AMD1: variants seen among roughly 807,000 people sequenced by gnomAD.
AMD1 encodes S-adenosylmethionine decarboxylase proenzyme.
A neutral mutation model predicts 40.2 loss-of-function variants in AMD1; 11 were observed. The ratio of observed to expected loss-of-function variants is 0.27; its 90% CI spans 0.17 to 0.45. The LOEUF (loss-of-function observed/expected upper bound fraction) is 0.45. AMD1 is among the 20% of genes least tolerant of loss of function. AMD1 has a pLI of 1.00. For synonymous variants in AMD1, 121 were observed against 130.8 expected (o/e 0.93, Z 0.51); for missense variants, 257 against 410.2 (o/e 0.63, Z 3.23).
chr6:110,814,618 T>A, the AMD1 span: 5 of 469,496 alleles, frequency 1.1e-5, no homozygotes, highest in Non-Finnish European at 2.1e-5. Context: ...ACAACGACCG[T>A]CACTACCCAG....
intron 1 of AMD1, among the ~76,000 whole-genome samples, chr6:110,884,081 C>T (rs1040227478): frequency 2.6e-5 from 4 of 152,240 alleles, no homozygotes; most frequent in Non-Finnish European, 4.4e-5. Flanking sequence ...AACTAGAATA[C>T]ACAATAGACT....
chr6:110,882,563 T>C (rs775281251), intron 1 of AMD1, among the ~76,000 whole-genome samples: 5 of 152,260 alleles, frequency 3.3e-5, no homozygotes, highest in Non-Finnish European at 7.3e-5. Flanking sequence ...TCACCTCTTT[T>C]ATGTACATGT....
At chr6:110,824,447 A>AT in the AMD1 span, among the ~76,000 whole-genome samples, 2 of 152,202 alleles carry the variant, frequency 1.3e-5, no homozygotes, top group Non-Finnish European at 2.9e-5. Flanking sequence ...GGATTAAGAG[A>AT]TAAAAAATGA....
At chr6:110,878,845 A>G (rs971293135) in intron 1 of AMD1, among the ~76,000 whole-genome samples, 1 of 152,184 alleles carries the variant, frequency 6.6e-6, no homozygotes, top group Non-Finnish European at 1.5e-5. Context: ...AATTTTTAGT[A>G]AAGGATTGGG....
At chr6:110,834,378 A>C in the AMD1 span, among the ~76,000 whole-genome samples, 6 of 152,124 alleles carry the variant, frequency 3.9e-5, no homozygotes, top group Non-Finnish European at 7.3e-5. Context: ...TTTATATGAA[A>C]ATAATTGTGC....
the AMD1 span, among the ~76,000 whole-genome samples, chr6:110,847,066 GTGT>G: frequency 1.1e-5 from 1 of 88,398 alleles, no homozygotes; most frequent in African/African-American, 6.2e-5. Context: ...TGTGTGTGGT[GTGT>G]GTGTGTGTGT....
At chr6:110,869,040 T>TAAGA in the AMD1 span, among the ~76,000 whole-genome samples, 6 of 148,156 alleles carry the variant, frequency 4.0e-5, no homozygotes, top group East Asian at 1.2e-3. Context: ...GCCTGGGCAA[T>TAAGA]AAGAGCGAAA....
the AMD1 span, among the ~76,000 whole-genome samples, chr6:110,851,002 C>T: frequency 6.6e-6 from 1 of 152,136 alleles, no homozygotes; most frequent in Admixed American, 6.6e-5. Context: ...CCAGCTCTGT[C>T]GCCCAGGCTG....
chr6:110,852,346 C>T, the AMD1 span, among the ~76,000 whole-genome samples: 63 of 151,094 alleles, frequency 4.2e-4, no homozygotes, highest in African/African-American at 1.5e-3. Context: ...CTCAGTCTCC[C>T]GAGTAGCTAC....
At chr6:110,821,163 A>AG in the AMD1 span, among the ~76,000 whole-genome samples, 6 of 152,182 alleles carry the variant, frequency 3.9e-5, no homozygotes, top group Non-Finnish European at 8.8e-5. Context: ...GTGCTTTGGG[A>AG]GGAACAGAGG....
chr6:110,883,733 A>G (rs1785528572), intron 1 of AMD1, among the ~76,000 whole-genome samples: 1 of 151,532 alleles, frequency 6.6e-6, no homozygotes, highest in Non-Finnish European at 1.5e-5. Context: ...CTGGGACTAC[A>G]GGTGCCCGCC....
the AMD1 span, among the ~76,000 whole-genome samples, chr6:110,840,978 C>T: frequency 1.3e-5 from 2 of 152,126 alleles, no homozygotes; most frequent in African/African-American, 4.8e-5. Context: ...ATAATGTTTC[C>T]TTTTATTCCC....
upstream of AMD1, among the ~76,000 whole-genome samples, chr6:110,873,056 C>T (rs1583206425): frequency 1.3e-5 from 2 of 152,054 alleles, no homozygotes; most frequent in African/African-American, 2.4e-5. Context: ...TGTCCCAATC[C>T]GCAGTTTGAG....
the AMD1 span, among the ~76,000 whole-genome samples, chr6:110,852,982 CTTTT>C: frequency 2.2e-4 from 25 of 111,472 alleles, no homozygotes; most frequent in East Asian, 1.5e-3. Context: ...TAATTAAGCA[CTTTT>C]TTTTTTTTTT....
chr6:110,816,277 C>T, the AMD1 span, among the ~76,000 whole-genome samples: 4 of 152,272 alleles, frequency 2.6e-5, no homozygotes, highest in East Asian at 7.7e-4. Flanking sequence ...GTTTACGATC[C>T]TTTGGGTTGA....
intron 1 of AMD1, among the ~76,000 whole-genome samples, chr6:110,886,792 G>A (rs545271864): frequency 6.6e-6 from 1 of 152,308 alleles, no homozygotes; most frequent in East Asian, 1.9e-4. Flanking sequence ...TATCTGTCAT[G>A]TTAAGCTGTT....
chr6:110,856,340 T>A, the AMD1 span: 1 of 152,194 alleles, frequency 6.6e-6, no homozygotes, highest in African/African-American at 2.4e-5. Flanking sequence ...ACTCTCCAGC[T>A]CTGGTGTCCT....
At chr6:110,860,833 CCA>C in the AMD1 span, among the ~76,000 whole-genome samples, 3,337 of 127,812 alleles carry the variant, frequency 0.026, 73 homozygotes, top group Admixed American at 0.065. Flanking sequence ...AAACACCCAC[CCA>C]CACACACACA....
At chr6:110,876,758 G>T (rs768308157) in intron 1 of AMD1, among the ~76,000 whole-genome samples, 4 of 152,188 alleles carry the variant, frequency 2.6e-5, no homozygotes, top group Non-Finnish European at 5.9e-5. Flanking sequence ...GATGGTATTT[G>T]TGATAGACGT....
Sources: gnomAD v4.1 joint callset for allele counts (sites outside exome capture counted in the v4.1 genomes callset) on GRCh38, gnomAD v4.1.1 for gene constraint, MANE v1.5 for transcripts, NCBI Gene and HGNC (gene_info 2026-07-23, HGNC 2026-07-21) for gene names.